Variants in RPTOR observed in about 807,000 individuals in gnomAD.
RPTOR encodes regulatory-associated protein of mTOR.
In RPTOR, 21 loss-of-function variants were observed where a neutral mutation model predicts 169.9. The ratio of observed to expected loss-of-function variants is 0.12; its 90% CI spans 0.09 to 0.18. The LOEUF (loss-of-function observed/expected upper bound fraction) is 0.18. RPTOR is among the 10% of genes least tolerant of loss of function. The pLI is 1.00. For synonymous variants in RPTOR, 732 were observed against 753.2 expected, an observed-to-expected ratio of 0.97 and a Z score of 0.46; for missense variants, 1,133 against 1,855.9, an observed-to-expected ratio of 0.61 and a Z score of 7.16.
At chr17:80,668,554 G>C (rs1334951349) in intron 3 of RPTOR, among the ~76,000 whole-genome samples, 1 of 152,148 alleles carries the variant, frequency 6.6e-6, no homozygotes, top group African/African-American at 2.4e-5. Context: ...ATAAAACAAT[G>C]ACCAGTGTCA....
At chr17:80,908,952 C>T (rs1401700397) in intron 21 of RPTOR, 23 bp downstream of exon 21, 10 of 1,520,754 alleles carry the variant, frequency 6.6e-6, no homozygotes, top group African/African-American at 5.5e-5. Flanking sequence ...CGCTCCCCAC[C>T]GCGCTCCAGC....
At position 80,844,258 on chromosome 17, in the gene RPTOR, G is replaced by A. The variant is rs766332775; in HGVS notation, c.1213-2215G>A. Among the ~76,000 whole-genome samples, 30 of 152,174 alleles carry A rather than the reference G, an allele frequency of 2.0e-4. No homozygotes were observed. Among genetic ancestry groups the A allele is most frequent in the Non-Finnish European group, 3.2e-4 (22 of 68,036 alleles). On this transcript the variant is annotated intron_variant, in intron 10 of 33. Transcript: ENST00000306801. This position sits in a 1 kb window ranked among gnomAD's most constrained non-coding sequence, Gnocchi z 4.7. ...TAGGGAGCTTCACGGGCTTCACCGC[G>A]CACCTGCCAGGCAAAGGTGTGCTTT...
intron 6 of RPTOR, among the ~76,000 whole-genome samples, chr17:80,788,887 A>G (rs1319707484): frequency 2.0e-5 from 3 of 152,158 alleles, no homozygotes; most frequent in Non-Finnish European, 4.4e-5. Flanking sequence ...GCTCAGCAAC[A>G]CTCTGATGTA....
intron 21 of RPTOR, among the ~76,000 whole-genome samples, chr17:80,913,094 A>C (rs1340557152): frequency 6.6e-6 from 1 of 152,184 alleles, no homozygotes; most frequent in Non-Finnish European, 1.5e-5. Context: ...AAGCATTTGG[A>C]AGCATAAATC....
At chr17:80,580,662 G>C (rs757127624) in intron 1 of RPTOR, among the ~76,000 whole-genome samples, 5 of 152,156 alleles carry the variant, frequency 3.3e-5, no homozygotes, top group Non-Finnish European at 5.9e-5. Flanking sequence ...CCACTCCGTT[G>C]CCTGGGGTGG....
At chr17:80,660,295 A>G (rs993829934) in intron 3 of RPTOR, among the ~76,000 whole-genome samples, 3 of 151,948 alleles carry the variant, frequency 2.0e-5, no homozygotes, top group Non-Finnish European at 2.9e-5. Flanking sequence ...AAAGAATGAT[A>G]AATGAGAAAC....
chr17:80,601,094 C>T (rs1428030928), intron 1 of RPTOR, among the ~76,000 whole-genome samples: 2 of 152,174 alleles, frequency 1.3e-5, no homozygotes, highest in Non-Finnish European at 2.9e-5. Flanking sequence ...AACCCAAGAC[C>T]AGCCCCATCG....
At chr17:80,763,042 A>G (rs1181980592) in intron 6 of RPTOR, among the ~76,000 whole-genome samples, 1 of 152,166 alleles carries the variant, frequency 6.6e-6, no homozygotes, top group East Asian at 1.9e-4. Flanking sequence ...TTTAAAGCAA[A>G]ACGTTTAAGC....
intron 11 of RPTOR, among the ~76,000 whole-genome samples, chr17:80,849,593 C>T (rs1266952472): frequency 6.6e-6 from 1 of 152,192 alleles, no homozygotes; most frequent in Non-Finnish European, 1.5e-5. Context: ...GGTCTCAGCT[C>T]ACTGCAACCT....
At chr17:80,735,099 G>A (rs1013034192) in intron 5 of RPTOR, among the ~76,000 whole-genome samples, 1 of 152,228 alleles carries the variant, frequency 6.6e-6, no homozygotes, top group Non-Finnish European at 1.5e-5. Context: ...GTTGGCCAGA[G>A]CCAGGTCACG....
intron 25 of RPTOR, chr17:80,941,720 G>A (rs931849825): frequency 6.6e-6 from 1 of 152,300 alleles, no homozygotes; most frequent in Non-Finnish European, 1.5e-5. Context: ...CTGAAGTTGA[G>A]GTTGATGACC....
chr17:80,917,361 G>A (rs1335430716), intron 21 of RPTOR, among the ~76,000 whole-genome samples: 1 of 152,094 alleles, frequency 6.6e-6, no homozygotes, highest in Non-Finnish European at 1.5e-5. Context: ...TGATCCACCT[G>A]TCTCGGCCTC....
At chr17:80,672,106 C>T (rs555267049) in intron 3 of RPTOR, among the ~76,000 whole-genome samples, 96 of 152,298 alleles carry the variant, frequency 6.3e-4, no homozygotes, top group African/African-American at 2.3e-3. Context: ...ACGAAGTGTT[C>T]TGACTCGGAT....
At chr17:80,576,572 T>G (rs1330476752) in intron 1 of RPTOR, among the ~76,000 whole-genome samples, 1 of 152,246 alleles carries the variant, frequency 6.6e-6, no homozygotes, top group African/African-American at 2.4e-5. Context: ...CTCTTCGCTC[T>G]CCTTTCCTTT....
intron 3 of RPTOR, among the ~76,000 whole-genome samples, chr17:80,691,522 A>G (rs922311141): frequency 6.6e-6 from 1 of 152,098 alleles, no homozygotes; most frequent in Admixed American, 6.6e-5. Flanking sequence ...TATTGAATGC[A>G]TGACTTACTC....
chr17:80,603,477 G>A (rs2065206008), intron 1 of RPTOR, among the ~76,000 whole-genome samples: 1 of 152,204 alleles, frequency 6.6e-6, no homozygotes, highest in Admixed American at 6.5e-5. Context: ...AGGGAACGAG[G>A]GGTGAAAAGT....
At chr17:80,889,355 C>T (rs1021528493) in intron 17 of RPTOR, among the ~76,000 whole-genome samples, 5 of 152,176 alleles carry the variant, frequency 3.3e-5, no homozygotes, top group African/African-American at 1.2e-4. Context: ...AGTATGAGTC[C>T]AGGCAAAGCT....
At chr17:80,557,378 G>A (rs922940816) in intron 1 of RPTOR, among the ~76,000 whole-genome samples, 3 of 151,040 alleles carry the variant, frequency 2.0e-5, no homozygotes, top group African/African-American at 4.9e-5. Context: ...AAAATTAGGC[G>A]TGGTCGTGGA....
chr17:80,705,722 C>T (rs562937002), intron 3 of RPTOR, among the ~76,000 whole-genome samples: 20 of 152,058 alleles, frequency 1.3e-4, no homozygotes, highest in Admixed American at 4.6e-4. Flanking sequence ...TCAGTAGAGA[C>T]GAGGGATCTG....
Sources: gnomAD v4.1 joint callset for allele counts (sites outside exome capture counted in the v4.1 genomes callset) on GRCh38, gnomAD v4.1.1 for gene constraint, Gnocchi (gnomAD v3.1) non-coding constraint, MANE v1.5 for transcripts, NCBI Gene and HGNC (gene_info 2026-07-23, HGNC 2026-07-21) for gene names.